The following AGBL1 variants were observed in gnomAD, a reference collection of about 807,000 sequenced individuals.
AGBL1 encodes cytosolic carboxypeptidase 4.
Under a neutral mutation model 118.9 loss-of-function variants are expected in AGBL1, and 130 were observed. That is an observed-to-expected ratio of 1.09 (90% confidence interval 0.95 to 1.26). AGBL1 has a LOEUF of 1.26. Among genes scored for constraint, AGBL1 ranks in the 50% most tolerant of loss-of-function variants. The pLI is 0.00. For synonymous variants in AGBL1, 555 were observed against 478.9 expected (o/e 1.16, Z -2.08); for missense variants, 1,584 against 1,298.1 (o/e 1.22, Z -3.38).
rs2079641429 is a variant in AGBL1, at chr15:86,296,365, G to GCCTTC, written c.2374+961_2374+965dup. 3.3e-5 allele frequency: 5 copies of GCCTTC among 152,328 alleles called. No homozygotes were observed. In the South Asian group the frequency reaches 1.0e-3, roughly 32 times the overall value. The allele number at this position is 152,328 out of a possible 1,614,324, so 9.4% of individuals were successfully genotyped here. On this transcript the variant is annotated intron_variant, in intron 17 of 22. Coordinates refer to ENST00000614907, the MANE Select transcript of AGBL1 (RefSeq NM_001386094.1). The stretch of plus-strand genomic sequence containing the variant: ...TACTGCCTTCCGTAATGAAGATACA[G>GCCTTC]CCTTCCCTGGTGAAGATACAGCCTT...
intron 19 of AGBL1, among the ~76,000 whole-genome samples, chr15:86,525,078 C>T (rs1457796923): frequency 2.0e-5 from 3 of 151,908 alleles, no homozygotes; most frequent in African/African-American, 4.8e-5. Context: ...TCAATGTACA[C>T]TAATCAATAG....
intron 22 of AGBL1, among the ~76,000 whole-genome samples, chr15:86,859,336 T>C (rs1367313905): frequency 6.6e-6 from 1 of 152,190 alleles, no homozygotes; most frequent in African/African-American, 2.4e-5. Context: ...TGGGCACTAA[T>C]TGAGCATTAG....
intron 21 of AGBL1, among the ~76,000 whole-genome samples, chr15:86,612,454 G>A (rs2084670521): frequency 6.6e-6 from 1 of 151,182 alleles, no homozygotes; most frequent in Admixed American, 6.6e-5. Context: ...GGGGAAGGAT[G>A]GGGGTCTGAC....
intron 22 of AGBL1, among the ~76,000 whole-genome samples, chr15:86,748,655 A>G (rs1437396273): frequency 3.3e-5 from 5 of 150,344 alleles, no homozygotes; most frequent in Non-Finnish European, 7.4e-5. Flanking sequence ...TCTAACATTT[A>G]AGTCTTTAAT....
At chr15:86,631,318 G>T (rs529778584) in intron 21 of AGBL1, among the ~76,000 whole-genome samples, 9 of 151,544 alleles carry the variant, frequency 5.9e-5, no homozygotes, top group Admixed American at 5.9e-4. Context: ...AGAAAAAAAA[G>T]TCATATTCAT....
At chr15:86,458,308 G>A (rs974589740) in intron 18 of AGBL1, among the ~76,000 whole-genome samples, 34 of 152,010 alleles carry the variant, frequency 2.2e-4, no homozygotes, top group African/African-American at 8.2e-4. Flanking sequence ...TCTTGTAATG[G>A]ATATATTATG....
At chr15:86,241,942 T>A (rs1263086022) in intron 6 of AGBL1, among the ~76,000 whole-genome samples, 3 of 152,222 alleles carry the variant, frequency 2.0e-5, no homozygotes, top group Admixed American at 6.5e-5. Context: ...AGTTCCCACG[T>A]GTCATGGGAG....
At chr15:86,870,454 CAAAAAAAAA>C (rs770556494) in intron 22 of AGBL1, among the ~76,000 whole-genome samples, 24 of 64,102 alleles carry the variant, frequency 3.7e-4, no homozygotes, top group African/African-American at 1.7e-3. Flanking sequence ...AAGCATACTG[CAAAAAAAAA>C]AAAAAAAAAA....
intron 20 of AGBL1, among the ~76,000 whole-genome samples, chr15:86,548,659 G>GCACACACA (rs1383976995): frequency 1.3e-4 from 13 of 100,970 alleles, no homozygotes; most frequent in African/African-American, 5.2e-4. Flanking sequence ...ACACACACAT[G>GCACACACA]CACGCACACA....
chr15:86,426,236 A>G (rs1479926496), intron 18 of AGBL1, among the ~76,000 whole-genome samples: 1 of 152,208 alleles, frequency 6.6e-6, no homozygotes, highest in Non-Finnish European at 1.5e-5. Context: ...CATACAAAGG[A>G]ATGTCAGCTT....
At chr15:86,154,369 T>C in intron 3 of AGBL1, 61 bp from the exon 4 acceptor site, 1 of 1,563,328 alleles carries the variant, frequency 6.4e-7, no homozygotes, top group Non-Finnish European at 8.7e-7. Context: ...TCCACTGTAC[T>C]CATTGTACAA....
chr15:87,022,026 C>G lies in AGBL1; in HGVS notation c.3324-6799C>G, dbSNP rs543327734. On this transcript the variant is annotated intron_variant, in intron 24 of 24. Transcript: ENST00000441037. ...AGAGCCTGGTAGACTTGCTGGGTGG[C>G]TAGATCCAGAAGAAAGATAACAATC... Among the ~76,000 whole-genome samples, 5 of 152,166 alleles carry G rather than the reference C, an allele frequency of 3.3e-5. No homozygotes were observed. In the South Asian group the frequency reaches 1.0e-3, roughly 32 times the overall value.
At chr15:86,622,032 A>C (rs1032869202) in intron 21 of AGBL1, among the ~76,000 whole-genome samples, 2 of 152,166 alleles carry the variant, frequency 1.3e-5, no homozygotes, top group Non-Finnish European at 2.9e-5. Flanking sequence ...GAAAACTTTG[A>C]TAAGAAAGGG....
At position 86,554,360 on chromosome 15, in the gene AGBL1, G is replaced by GTTTT; in HGVS notation, c.2818-1_2818insTTTT (p.Thr940PhefsTer8). ...TCGTTTGATTTTTGTTTTTACTGTA[G>GTTTT]ACTCTTCCCAAAATCCTTGATAAGC... On this transcript the variant is annotated frameshift_variant and splice_region_variant. Transcript: ENST00000614907. LOFTEE classifies it high-confidence loss of function. 1 of 1,570,638 alleles carries GTTTT rather than the reference G, an allele frequency of 6.4e-7. No individual in the cohort carries two copies. Among genetic ancestry groups the GTTTT allele is most frequent in the Admixed American group, 1.9e-5 (1 of 52,338 alleles).
chr15:86,406,463 C>T (rs1313887128), intron 18 of AGBL1, among the ~76,000 whole-genome samples: 1 of 152,124 alleles, frequency 6.6e-6, no homozygotes, highest in South Asian at 2.1e-4. Flanking sequence ...TTATTATAAA[C>T]AATTCAATAT....
At chr15:86,606,126 CAAA>C (rs10675845) in intron 21 of AGBL1, among the ~76,000 whole-genome samples, 1 of 96,886 alleles carries the variant, frequency 1.0e-5, no homozygotes. Flanking sequence ...GACTCCATCT[CAAA>C]AAAAAAAAAA....
rs115293534 is a variant in AGBL1, at chr15:86,578,166, G to A, written c.2994+23629G>A. ...TGTACCCTGCAGAGCCGTAAGTGCA[G>A]AGCTGCCCAAGACCATGGAAACGCA... On this transcript the variant is annotated intron_variant, in intron 21 of 22. Coordinates refer to ENST00000614907, the MANE Select transcript of AGBL1 (RefSeq NM_001386094.1). Among the ~76,000 whole-genome samples the A allele has an allele frequency of 1.9e-3, 286 of 152,342 alleles. 1 individual carries two copies. Among genetic ancestry groups the A allele is most frequent in the African/African-American group, 6.3e-3 (261 of 41,574 alleles).
At chr15:86,261,227 T>C (rs567865549) in intron 9 of AGBL1, among the ~76,000 whole-genome samples, 52 of 152,292 alleles carry the variant, frequency 3.4e-4, no homozygotes, top group African/African-American at 1.3e-3. Flanking sequence ...AGCACAGCCT[T>C]ACTCACTGGT....
At chr15:86,928,979 C>A (rs76032993) in intron 23 of AGBL1, among the ~76,000 whole-genome samples, 3,121 of 152,140 alleles carry the variant, frequency 0.021, 62 homozygotes, top group Non-Finnish European at 0.028. Flanking sequence ...ACTATTATCT[C>A]CAGAACTTTT....
Sources: allele counts gnomAD v4.1 joint callset (sites outside exome capture counted in the v4.1 genomes callset), GRCh38; gene constraint gnomAD v4.1.1; transcripts MANE v1.5; gene names NCBI Gene and HGNC (gene_info 2026-07-23, HGNC 2026-07-21).